ADAMTS2: variants seen among roughly 807,000 people sequenced by gnomAD.
The protein encoded by ADAMTS2 is A disintegrin and metalloproteinase with thrombospondin motifs 2.
ADAMTS2 carries 50 observed loss-of-function variants against 123.0 expected under a neutral mutation model. The observed-to-expected ratio is 0.41, with a 90% confidence interval of 0.32 to 0.51. ADAMTS2 has a LOEUF of 0.51. Ranked by LOEUF, ADAMTS2 falls within the 20% of genes least tolerant of loss-of-function variation. ADAMTS2 has a pLI of 0.35. For synonymous variants in ADAMTS2, 678 were observed against 695.4 expected, an observed-to-expected ratio of 0.98 and a Z score of 0.39; for missense variants, 1,494 against 1,705.2, an observed-to-expected ratio of 0.88 and a Z score of 2.18.
rs1764010927 is a variant in ADAMTS2 at position 179,180,048 on chromosome 5, A to G, written c.975+1024T>C. On this transcript the variant is annotated intron_variant, in intron 5 of 21. Transcript: ENST00000251582. This position sits in a 1 kb window ranked among gnomAD's most constrained non-coding sequence, Gnocchi z 4.6. ...TTACCTGGGCATGTCACTAAGTCAC[A>G]TTAAGCCTCGGTGTTCTTATCTGTG... 1.3e-5 allele frequency among the ~76,000 whole-genome samples: 2 copies of G among 152,180 alleles called. No individual in the cohort carries two copies. Among genetic ancestry groups the G allele is most frequent in the Admixed American group, 6.5e-5 (1 of 15,286 alleles).
intron 2 of ADAMTS2, among the ~76,000 whole-genome samples, chr5:179,276,512 A>G (rs1419517482): frequency 1.3e-5 from 2 of 152,150 alleles, no homozygotes; most frequent in Non-Finnish European, 1.5e-5. Context: ...TCGTCTGTAC[A>G]TGAGGCAGGT....
intron 2 of ADAMTS2, among the ~76,000 whole-genome samples, chr5:179,305,977 T>C (rs1756662630): frequency 6.6e-6 from 1 of 152,096 alleles, no homozygotes; most frequent in Admixed American, 6.5e-5. Context: ...GAAAAAGAAT[T>C]CATAGTTTAA....
chr5:179,334,165 G>T lies in ADAMTS2; in HGVS notation c.534+9602C>A, dbSNP rs534100515. 1.6e-4 allele frequency among the ~76,000 whole-genome samples: 24 copies of T among 152,156 alleles called. 1 individual carries two copies. The highest frequency in any genetic ancestry group is 1.5e-3 in the Admixed American group (23 of 15,282). On this transcript the variant is annotated intron_variant, in intron 2 of 21. Coordinates refer to ENST00000251582, the MANE Select transcript of ADAMTS2 (RefSeq NM_014244.5). ...AAATGCCCCCACACATGGCCCAAAG[G>T]GCTTTCCAAGAACAGGGTCCTGTTC...
Position 179,285,557 on chromosome 5 carries a change from A to G in ADAMTS2, c.535-12493T>C, listed in dbSNP as rs1024467100. 2.6e-5 allele frequency among the ~76,000 whole-genome samples: 4 copies of G among 152,214 alleles called. No homozygotes were observed. The highest frequency in any genetic ancestry group is 9.6e-5 in the African/African-American group (4 of 41,456). On this transcript the variant is annotated intron_variant, in intron 2 of 21. Coordinates refer to ENST00000251582, the MANE Select transcript of ADAMTS2 (RefSeq NM_014244.5). The surrounding 1 kb of genome is among the most constrained non-coding windows in gnomAD (Gnocchi z 4.9). ...CAGAGCTGGCCAGCCAGACCCAGCC[A>G]GGACACAGAGGTCAGTGGGTCAGAC... is the stretch of plus-strand genomic sequence containing the variant.
At chr5:179,196,249 A>G (rs1261086868) in intron 4 of ADAMTS2, among the ~76,000 whole-genome samples, 2 of 151,674 alleles carry the variant, frequency 1.3e-5, no homozygotes, top group Non-Finnish European at 2.9e-5. Flanking sequence ...GAAATCATTC[A>G]TTCAAAAAAA....
chr5:179,222,984 C>T (rs766472324), intron 3 of ADAMTS2, among the ~76,000 whole-genome samples: 1 of 152,252 alleles, frequency 6.6e-6, no homozygotes, highest in Non-Finnish European at 1.5e-5. Flanking sequence ...TGACTTTCCT[C>T]CTGTTTGCAA....
Position 179,278,476 on chromosome 5 carries a change from T to C in ADAMTS2, c.535-5412A>G, listed in dbSNP as rs560431241. Among the ~76,000 whole-genome samples the C allele has an allele frequency of 2.8e-4, 43 of 152,196 alleles. No individual in the cohort carries two copies. In the South Asian group the frequency reaches 3.7e-3, roughly 13 times the overall value. ...TACATGTAATTTTTATTAATTAGAA[T>C]CAGTTTCCTCTCCCCACTCAATAAA... is the stretch of plus-strand genomic sequence containing the variant. On this transcript the variant is annotated intron_variant, in intron 2 of 21. Transcript: ENST00000251582.
chr5:179,254,071 G>A (rs1199157318), intron 3 of ADAMTS2, among the ~76,000 whole-genome samples: 2 of 152,220 alleles, frequency 1.3e-5, no homozygotes, highest in Non-Finnish European at 2.9e-5. Flanking sequence ...ACTAGGAGGG[G>A]CCTCCCTTAG....
At chr5:179,139,771 G>C in intron 11 of ADAMTS2, 119 bp downstream of exon 11, 1 of 1,483,518 alleles carries the variant, frequency 6.7e-7, no homozygotes, top group Non-Finnish European at 9.2e-7. Context: ...AGCCTGCCCT[G>C]CACCTCTCCA....
chr5:179,235,031 C>A (rs1765492277), intron 3 of ADAMTS2, among the ~76,000 whole-genome samples: 1 of 152,210 alleles, frequency 6.6e-6, no homozygotes, highest in South Asian at 2.1e-4. Flanking sequence ...GCTCACTCTG[C>A]CCAGAATGCC....
intron 2 of ADAMTS2, among the ~76,000 whole-genome samples, chr5:179,329,922 C>T (rs1022305076): frequency 4.6e-5 from 7 of 151,762 alleles, no homozygotes; most frequent in East Asian, 1.9e-4. Flanking sequence ...GTCAGGAGAT[C>T]GAGACCATCC....
intron 12 of ADAMTS2, among the ~76,000 whole-genome samples, chr5:179,136,899 G>A (rs1763075612): frequency 6.6e-6 from 1 of 151,994 alleles, no homozygotes; most frequent in South Asian, 2.1e-4. Context: ...GAACCTGGGA[G>A]GCAGAGGTTG....
At chr5:179,137,161 C>T (rs566535454) in intron 12 of ADAMTS2, among the ~76,000 whole-genome samples, 123 of 152,304 alleles carry the variant, frequency 8.1e-4, no homozygotes, top group African/African-American at 2.6e-3. Flanking sequence ...ACCTCCAACC[C>T]TGCACTGGCC....
chr5:179,288,926 G>A (rs539187757), intron 2 of ADAMTS2, among the ~76,000 whole-genome samples: 4 of 152,354 alleles, frequency 2.6e-5, no homozygotes, highest in Admixed American at 2.0e-4. Context: ...AGCACGGCAC[G>A]GCATCCATAC....
At chr5:179,327,158 A>C (rs1757339859) in intron 2 of ADAMTS2, among the ~76,000 whole-genome samples, 1 of 152,174 alleles carries the variant, frequency 6.6e-6, no homozygotes, top group Non-Finnish European at 1.5e-5. Flanking sequence ...AGAAATTTTC[A>C]AACACTGGAA....
At chr5:179,287,404 C>A (rs1283641590) in intron 2 of ADAMTS2, among the ~76,000 whole-genome samples, 1 of 152,198 alleles carries the variant, frequency 6.6e-6, no homozygotes, top group Admixed American at 6.5e-5. Flanking sequence ...CAGGACCCCT[C>A]CGCCAGCAGC....
chr5:179,296,622 G>A (rs924295262), intron 2 of ADAMTS2, among the ~76,000 whole-genome samples: 2 of 152,134 alleles, frequency 1.3e-5, no homozygotes, highest in Non-Finnish European at 2.9e-5. Context: ...CAAGGCAGGT[G>A]GAGATGGGCT....
chr5:179,223,641 C>T (rs1765197010), intron 3 of ADAMTS2, among the ~76,000 whole-genome samples: 2 of 88,388 alleles, frequency 2.3e-5, no homozygotes, highest in African/African-American at 7.3e-5. Context: ...TGAATGCACA[C>T]ACACATACAC....
chr5:179,113,484 C>T lies in ADAMTS2; in HGVS notation c.*383G>A, dbSNP rs576498431. On this transcript the variant is annotated 3_prime_UTR_variant, in exon 22 of 22. Transcript: ENST00000251582. Reference sequence around the variant, plus strand: ...AGTCCCACAGGCTGTGTCTGGGGATCGGTAGGGAATGTCATGCATCTCCGC... The same window carrying T: ...AGTCCCACAGGCTGTGTCTGGGGATTGGTAGGGAATGTCATGCATCTCCGC... 2.4e-5 allele frequency: 7 copies of T among 292,586 alleles called. No homozygotes were observed. Among genetic ancestry groups the T allele is most frequent in the East Asian group, 8.3e-5 (1 of 12,046 alleles). The allele number at this position is 292,586 out of a possible 1,614,324, so 18.1% of individuals were successfully genotyped here.
Sources: allele counts gnomAD v4.1 joint callset (sites outside exome capture counted in the v4.1 genomes callset), GRCh38; gene constraint gnomAD v4.1.1; non-coding constraint Gnocchi (gnomAD v3.1); transcripts MANE v1.5; gene names NCBI Gene and HGNC (gene_info 2026-07-23, HGNC 2026-07-21).